The following PARD6G variants were observed in gnomAD, a reference collection of about 807,000 sequenced individuals.
The protein encoded by PARD6G is partitioning defective 6 homolog gamma.
Under a neutral mutation model 10.7 loss-of-function variants are expected in PARD6G, and 7 were observed. That is an observed-to-expected ratio of 0.66 (90% CI 0.37 to 1.23). PARD6G has a LOEUF of 1.23. Among genes scored for constraint, PARD6G ranks in the 50% most tolerant of loss-of-function variants. The probability of loss-of-function intolerance (pLI) is 0.02; values close to 1 mark genes in which losing one functional copy is unlikely to be tolerated. For missense variants in PARD6G, 548 were observed against 571.8 expected, an observed-to-expected ratio of 0.96 and a Z score of 0.42; for synonymous variants, 287 against 269.4, an observed-to-expected ratio of 1.07 and a Z score of -0.64.
intron 2 of PARD6G, among the ~76,000 whole-genome samples, chr18:80,190,477 C>G (rs1966888389): frequency 6.6e-6 from 1 of 152,174 alleles, no homozygotes; most frequent in South Asian, 2.1e-4. Flanking sequence ...GCCTGGTGTG[C>G]ACAGGCCCAT....
rs1398457999 is a variant in PARD6G, at chr18:80,201,985, T to G, written c.295+725A>C. 1 of 152,334 alleles carries G rather than the reference T, an allele frequency of 6.6e-6. No homozygotes were observed. The highest frequency in any genetic ancestry group is 1.5e-5 in the Non-Finnish European group (1 of 68,138). 9.4% of individuals were successfully genotyped at this position (152,334 alleles called of 1,614,324 possible). ...TCACCTTGCAACTGTCACCACTGGC[T>G]GCTTGGTTCCTTGAGGTGGTCAGTG... is the stretch of plus-strand genomic sequence containing the variant. On this transcript the variant is annotated intron_variant, in intron 2 of 2. Coordinates refer to ENST00000353265, the MANE Select transcript of PARD6G (RefSeq NM_032510.4). This position sits in a 1 kb window ranked among gnomAD's most constrained non-coding sequence, Gnocchi z 5.9.
intron 1 of PARD6G, among the ~76,000 whole-genome samples, chr18:80,240,164 C>T (rs1040788673): frequency 1.3e-5 from 2 of 152,216 alleles, no homozygotes; most frequent in Non-Finnish European, 2.9e-5. Context: ...CCTCCAACAT[C>T]GGGGACCAAA....
chr18:80,237,681 G>A (rs993526882), intron 1 of PARD6G, among the ~76,000 whole-genome samples: 5 of 152,198 alleles, frequency 3.3e-5, no homozygotes, highest in Non-Finnish European at 7.3e-5. Context: ...CAACAAGTGG[G>A]TGAAGGATAT....
intron 2 of PARD6G, among the ~76,000 whole-genome samples, chr18:80,162,944 G>T (rs1249577471): frequency 6.6e-6 from 1 of 152,164 alleles, no homozygotes; most frequent in Admixed American, 6.5e-5. Context: ...TGGACTAAAA[G>T]CTAAACCTCA....
At chr18:80,242,348 TCA>T (rs1164776239) in intron 1 of PARD6G, among the ~76,000 whole-genome samples, 1 of 152,196 alleles carries the variant, frequency 6.6e-6, no homozygotes, top group Admixed American at 6.5e-5. Flanking sequence ...GAGGCAAGTG[TCA>T]GCCACCCAAT....
In PARD6G at chr18:80,181,084, T is replaced by C. The variant is rs2052846359; in HGVS notation, c.296-20478A>G. On this transcript the variant is annotated intron_variant, in intron 2 of 2. Coordinates refer to ENST00000353265, the MANE Select transcript of PARD6G (RefSeq NM_032510.4). This position sits in a 1 kb window ranked among gnomAD's most constrained non-coding sequence, Gnocchi z 7.9. ...TGAACCTCACGCGCGATCTCGACAT[T>C]AGAACATGGGCTGCGACCGGAGAAG... Among the ~76,000 whole-genome samples, 1 of 151,952 alleles carries C rather than the reference T, an allele frequency of 6.6e-6. No individual in the cohort carries two copies. The highest frequency in any genetic ancestry group is 1.5e-5 in the Non-Finnish European group (1 of 67,976).
intron 2 of PARD6G, among the ~76,000 whole-genome samples, chr18:80,176,234 A>G (rs1253972396): frequency 6.6e-6 from 1 of 152,230 alleles, no homozygotes; most frequent in Non-Finnish European, 1.5e-5. Context: ...ATTGGAGCAG[A>G]TAACTTGATC....
chr18:80,207,835 C>G (rs1202544282), intron 1 of PARD6G, among the ~76,000 whole-genome samples: 1 of 152,008 alleles, frequency 6.6e-6, no homozygotes, highest in East Asian at 1.9e-4. Flanking sequence ...AGAAGAGTAA[C>G]AGGGGTAACG....
chr18:80,177,665 C>G (rs911050363), intron 2 of PARD6G, among the ~76,000 whole-genome samples: 1 of 150,820 alleles, frequency 6.6e-6, no homozygotes, highest in Non-Finnish European at 1.5e-5. Context: ...CATGCATGCA[C>G]ACACACACAG....
At chr18:80,166,074 A>C (rs904027391) in intron 2 of PARD6G, among the ~76,000 whole-genome samples, 1 of 151,948 alleles carries the variant, frequency 6.6e-6, no homozygotes, top group Non-Finnish European at 1.5e-5. Flanking sequence ...GCAAAACTCC[A>C]TCTCAAAAAA....
chr18:80,178,204 A>G (rs980834638), intron 2 of PARD6G: 1 of 165,378 alleles, frequency 6.0e-6, no homozygotes, highest in Admixed American at 6.5e-5. Flanking sequence ...TGATCTCTAT[A>G]AAAATCTCAA....
intron 1 of PARD6G, among the ~76,000 whole-genome samples, chr18:80,219,085 G>A (rs1248570723): frequency 1.3e-5 from 2 of 152,242 alleles, no homozygotes; most frequent in Non-Finnish European, 2.9e-5. Context: ...GGGGGCTGCC[G>A]TGAAGACCTC....
At chr18:80,217,671 CAA>C (rs1382387382) in intron 1 of PARD6G, among the ~76,000 whole-genome samples, 1 of 152,076 alleles carries the variant, frequency 6.6e-6, no homozygotes, top group African/African-American at 2.4e-5. Flanking sequence ...GAGTACTCCT[CAA>C]AACTATCAAG....
In PARD6G at chr18:80,164,486, C is replaced by A. The variant is rs190286194; in HGVS notation, c.296-3880G>T. 1.7e-3 allele frequency among the ~76,000 whole-genome samples: 264 copies of A among 152,318 alleles called. 2 individuals are homozygous for A. The highest frequency in any genetic ancestry group is 6.3e-3 in the African/African-American group (260 of 41,556). On this transcript the variant is annotated intron_variant, in intron 2 of 2. Transcript: ENST00000353265. The stretch of plus-strand genomic sequence containing the variant: ...CGGGTCCACACTGCTCTTCACGTCA[C>A]AACTGAATGTCATGCCCATAGTAAG...
chr18:80,178,371 C>T (rs987942356), intron 2 of PARD6G: 1 of 152,674 alleles, frequency 6.5e-6, no homozygotes, highest in African/African-American at 2.4e-5. Flanking sequence ...GGGAACCCCA[C>T]TCCTTCACCA....
chr18:80,240,012 C>T (rs147562170), intron 1 of PARD6G, among the ~76,000 whole-genome samples: 94 of 152,226 alleles, frequency 6.2e-4, no homozygotes, highest in Non-Finnish European at 1.1e-3. Flanking sequence ...GAGGAGGCAA[C>T]GGGGGAGGAG....
At chr18:80,197,139 A>T (rs1317232956) in intron 2 of PARD6G, among the ~76,000 whole-genome samples, 1 of 152,166 alleles carries the variant, frequency 6.6e-6, no homozygotes, top group East Asian at 1.9e-4. Flanking sequence ...AGAGACTACA[A>T]TGGGGCGTGG....
Position 80,184,265 on chromosome 18 carries a change from T to C in PARD6G, c.295+18445A>G, listed in dbSNP as rs551381752. ...CACTGATGGTCCTAGGGCAACTCTA[T>C]GTTGACGCCTCTGAGGAACTGCCGG... On this transcript the variant is annotated intron_variant, in intron 2 of 2. Coordinates refer to ENST00000353265, the MANE Select transcript of PARD6G (RefSeq NM_032510.4). The surrounding 1 kb of genome is among the most constrained non-coding windows in gnomAD (Gnocchi z 4.5). 1.4e-4 allele frequency: 21 copies of C among 152,354 alleles called. No homozygotes were observed. The highest frequency in any genetic ancestry group is 1.4e-3 in the Admixed American group (21 of 15,306). The allele number at this position is 152,354 out of a possible 1,614,324, so 9.4% of individuals were successfully genotyped here. A position where few individuals can be genotyped will look rare whatever the true frequency, so the allele number is the denominator to read the frequency against.
chr18:80,246,027 G>A lies in PARD6G; in HGVS notation c.72+1250C>T, dbSNP rs1323228084. ...CGCCTCAATCCTCTGCAGACACCCT[G>A]GAAATCCTACTCCAAAGGTCAGAGC... On this transcript the variant is annotated intron_variant, in intron 1 of 2. Coordinates refer to ENST00000353265, the MANE Select transcript of PARD6G (RefSeq NM_032510.4). The surrounding 1 kb of genome is among the most constrained non-coding windows in gnomAD (Gnocchi z 6.7). Among the ~76,000 whole-genome samples the A allele has an allele frequency of 6.6e-6, 1 of 152,082 alleles. No homozygotes were observed. Among genetic ancestry groups the A allele is most frequent in the South Asian group, 2.1e-4 (1 of 4,828 alleles).
Sources: gnomAD v4.1 joint callset for allele counts (sites outside exome capture counted in the v4.1 genomes callset) on GRCh38, gnomAD v4.1.1 for gene constraint, Gnocchi (gnomAD v3.1) non-coding constraint, MANE v1.5 for transcripts, NCBI Gene and HGNC (gene_info 2026-07-23, HGNC 2026-07-21) for gene names.